The following SLIT3 variants were observed in gnomAD, a reference collection of about 807,000 sequenced individuals.
The protein encoded by SLIT3 is slit guidance ligand 3.
A neutral mutation model predicts 184.0 loss-of-function variants in SLIT3; 68 were observed. The observed-to-expected ratio is 0.37, with a 90% CI of 0.30 to 0.45. The LOEUF is 0.45. Among genes scored for constraint, SLIT3 ranks in the 20% least tolerant of loss-of-function variants. The pLI, the probability that SLIT3 is intolerant of heterozygous loss-of-function variation, is 1.00. For missense variants in SLIT3, 1,707 were observed against 2,026.0 expected (o/e 0.84, Z 3.02); for synonymous variants, 831 against 828.6 (o/e 1.00, Z -0.05).
chr5:169,195,094 A>G (rs921326504), intron 3 of SLIT3, among the ~76,000 whole-genome samples: 2 of 152,192 alleles, frequency 1.3e-5, no homozygotes, highest in African/African-American at 2.4e-5. Context: ...GGCCTATTAC[A>G]TGATGTAACT....
intron 4 of SLIT3, among the ~76,000 whole-genome samples, chr5:168,969,193 T>G (rs924842901): frequency 6.6e-6 from 1 of 152,162 alleles, no homozygotes; most frequent in Non-Finnish European, 1.5e-5. Flanking sequence ...TTGTGTTTGG[T>G]TTATCTTACC....
At chr5:169,164,120 G>T (rs1373115602) in intron 4 of SLIT3, among the ~76,000 whole-genome samples, 1 of 152,150 alleles carries the variant, frequency 6.6e-6, no homozygotes, top group Admixed American at 6.6e-5. Flanking sequence ...CAAAGTCAGG[G>T]GAAAGCAACC....
chr5:169,051,047 C>A (rs943680847), intron 4 of SLIT3, among the ~76,000 whole-genome samples: 2 of 152,116 alleles, frequency 1.3e-5, no homozygotes, highest in African/African-American at 4.8e-5. Flanking sequence ...TAAATCACTG[C>A]AAAACGGAGA....
At chr5:169,240,442 G>T (rs1246954328) in intron 3 of SLIT3, among the ~76,000 whole-genome samples, 1 of 150,938 alleles carries the variant, frequency 6.6e-6, no homozygotes, top group East Asian at 1.9e-4. Flanking sequence ...TACAGATTTG[G>T]TATATCTTCC....
chr5:168,867,731 T>C (rs1759359738), intron 5 of SLIT3, among the ~76,000 whole-genome samples: 1 of 152,230 alleles, frequency 6.6e-6, no homozygotes, highest in Admixed American at 6.5e-5. Context: ...CCTTCTTGAT[T>C]GCCACGATTA....
intron 4 of SLIT3, among the ~76,000 whole-genome samples, chr5:169,072,055 G>A (rs904336524): frequency 1.3e-5 from 2 of 152,178 alleles, no homozygotes; most frequent in East Asian, 3.8e-4. Context: ...TTATGTATGA[G>A]AATGACCACA....
At chr5:168,987,748 T>C (rs915416707) in intron 4 of SLIT3, among the ~76,000 whole-genome samples, 14 of 152,250 alleles carry the variant, frequency 9.2e-5, no homozygotes, top group African/African-American at 2.9e-4. Flanking sequence ...TTCCCACTCA[T>C]GGCCACAAGG....
At chr5:169,278,634 C>G (rs1185201494) in intron 1 of SLIT3, among the ~76,000 whole-genome samples, 1 of 152,156 alleles carries the variant, frequency 6.6e-6, no homozygotes, top group Admixed American at 6.5e-5. Context: ...CCTCTGACCC[C>G]CCAAGGTCTG....
intron 4 of SLIT3, among the ~76,000 whole-genome samples, chr5:169,116,045 G>C (rs1760650899): frequency 6.6e-6 from 1 of 152,212 alleles, no homozygotes; most frequent in Admixed American, 6.5e-5. Flanking sequence ...ATGGAGCTCA[G>C]AGAAAGAGAA....
chr5:168,923,675 C>T (rs1249886365), intron 4 of SLIT3, among the ~76,000 whole-genome samples: 2 of 152,168 alleles, frequency 1.3e-5, no homozygotes, highest in East Asian at 3.9e-4. Context: ...TGCCACCATG[C>T]CCAGCTAACT....
intron 20 of SLIT3, among the ~76,000 whole-genome samples, chr5:168,730,171 G>A (rs1763252305): frequency 1.3e-5 from 2 of 151,598 alleles, no homozygotes; most frequent in African/African-American, 4.8e-5. Context: ...TCAGCAAGAG[G>A]ATGTAATAAT....
chr5:169,072,700 C>T (rs1758595311), intron 4 of SLIT3, among the ~76,000 whole-genome samples: 1 of 152,132 alleles, frequency 6.6e-6, no homozygotes, highest in Admixed American at 6.6e-5. Flanking sequence ...ACAGTAGGGG[C>T]CCAGCCACGG....
intron 2 of SLIT3, among the ~76,000 whole-genome samples, chr5:169,248,798 A>G (rs1765681672): frequency 6.6e-6 from 1 of 152,104 alleles, no homozygotes; most frequent in Admixed American, 6.5e-5. Context: ...AATTGATACC[A>G]CCAGAAGAGA....
chr5:168,895,991 C>T (rs1760646768), intron 4 of SLIT3, among the ~76,000 whole-genome samples: 1 of 152,196 alleles, frequency 6.6e-6, no homozygotes. Flanking sequence ...CAAATAGAAT[C>T]AACTCCCCTG....
intron 4 of SLIT3, among the ~76,000 whole-genome samples, chr5:168,900,470 C>T (rs1760826521): frequency 6.6e-6 from 1 of 152,068 alleles, no homozygotes; most frequent in Non-Finnish European, 1.5e-5. Flanking sequence ...CAAAACTTAG[C>T]TGGGTATAGT....
At chr5:168,719,142 G>T (rs977599970) in intron 23 of SLIT3, among the ~76,000 whole-genome samples, 1 of 152,120 alleles carries the variant, frequency 6.6e-6, no homozygotes, top group Non-Finnish European at 1.5e-5. Context: ...GCCTCCACTT[G>T]CCTGCCTCAA....
chr5:168,686,994 C>A lies in SLIT3; in HGVS notation c.3299G>T (p.Cys1100Phe). The A allele has an allele frequency of 1.9e-6, 3 of 1,614,048 alleles. No homozygotes were observed. Among genetic ancestry groups the A allele is most frequent in the Non-Finnish European group, 2.5e-6 (3 of 1,179,874 alleles). The change falls in exon 30 of 36, where the codon TGC becomes TTC. Residue 1100 changes from cysteine (C) to phenylalanine (F), a missense_variant. Transcript: ENST00000519560. ...VDTINGYTCT[C>F]PQGFSGPFCE... ...CCTGCCTTACCTGAAGCCCTGGGGGCAGGTGCATGTGTAGCCATTGATTGT... is the reference window on the plus strand; with the variant it reads ...CCTGCCTTACCTGAAGCCCTGGGGGAAGGTGCATGTGTAGCCATTGATTGT...
At chr5:169,232,189 TG>T (rs1200613442) in intron 3 of SLIT3, among the ~76,000 whole-genome samples, 91 of 152,354 alleles carry the variant, frequency 6.0e-4, no homozygotes, top group Middle Eastern at 3.4e-3. Flanking sequence ...TTCTGTGCCT[TG>T]CTTATGAAAT....
chr5:168,742,348 T>TG (rs1242640165), intron 20 of SLIT3, among the ~76,000 whole-genome samples: 1 of 151,142 alleles, frequency 6.6e-6, no homozygotes, highest in Non-Finnish European at 1.5e-5. Flanking sequence ...AGCTGGCCTA[T>TG]GTAAAAATGA....
Sources: gnomAD v4.1 joint callset for allele counts (sites outside exome capture counted in the v4.1 genomes callset) on GRCh38, gnomAD v4.1.1 for gene constraint, MANE v1.5 for transcripts, NCBI Gene and HGNC (gene_info 2026-07-23, HGNC 2026-07-21) for gene names.